The following CUX1 variants were observed in gnomAD, a reference collection of about 807,000 sequenced individuals.
CUX1 encodes protein CASP.
Under a neutral mutation model 158.8 loss-of-function variants are expected in CUX1, and 31 were observed. That is an observed-to-expected ratio of 0.20 (90% confidence interval 0.15 to 0.26). The LOEUF (loss-of-function observed/expected upper bound fraction) is 0.26. Ranked by LOEUF, CUX1 falls within the 10% of genes least tolerant of loss-of-function variation. The probability of loss-of-function intolerance (pLI) is 1.00; values close to 1 mark genes in which losing one functional copy is unlikely to be tolerated. For synonymous variants in CUX1, 879 were observed against 862.1 expected (o/e 1.02, Z -0.34); for missense variants, 1,589 against 2,014.6 (o/e 0.79, Z 4.04).
In CUX1 at chr7:102,093,867, CAG is replaced by C. The variant is rs145901618; in HGVS notation, c.269-3496_269-3495del. On this transcript the variant is annotated intron_variant, in intron 4 of 23. Coordinates refer to ENST00000292535, the MANE Select transcript of CUX1 (RefSeq NM_181552.4). ...TCGGAGGAGGAGGAGGCTGGGAAGA[CAG>C]GGGTTACCGGATTTTGTGTGTTCCT... 4.3e-3 allele frequency among the ~76,000 whole-genome samples: 655 copies of C among 152,238 alleles called. 4 individuals carry two copies. Among genetic ancestry groups the C allele is most frequent in the African/African-American group, 0.015 (635 of 41,546 alleles).
Position 101,839,086 on chromosome 7 carries a change from A to G in CUX1, c.30+21417A>G, listed in dbSNP as rs542639526. 4.6e-5 allele frequency among the ~76,000 whole-genome samples: 7 copies of G among 152,294 alleles called. No individual in the cohort carries two copies. In the South Asian group the frequency reaches 1.5e-3, roughly 32 times the overall value. On this transcript the variant is annotated intron_variant, in intron 1 of 23. Coordinates refer to ENST00000292535, the MANE Select transcript of CUX1 (RefSeq NM_181552.4). ...CTCTGGTATCTCTTGTTTTAAGTAC[A>G]CTAATCCCATCATGAGGGCTTTACC...
At chr7:102,002,318 T>C (rs1355452709) in intron 2 of CUX1, among the ~76,000 whole-genome samples, 2 of 151,996 alleles carry the variant, frequency 1.3e-5, no homozygotes, top group African/African-American at 4.8e-5. Context: ...AAAATAAATA[T>C]ATATAGTGTG....
At chr7:102,283,038 A>G in exon 23 of CUX1, 2 of 1,610,638 alleles carry the variant, frequency 1.2e-6, no homozygotes, top group Non-Finnish European at 8.5e-7. Flanking sequence ...GACCACCTGC[A>G]CAAGTTCCAC....
intron 20 of CUX1, among the ~76,000 whole-genome samples, chr7:102,209,001 G>A (rs1796240416): frequency 6.6e-6 from 1 of 152,208 alleles, no homozygotes; most frequent in Non-Finnish European, 1.5e-5. Flanking sequence ...TGCAGTAAGG[G>A]AATCGGGCTT....
chr7:101,963,826 AT>A (rs1810808089), intron 2 of CUX1, among the ~76,000 whole-genome samples: 1 of 151,484 alleles, frequency 6.6e-6, no homozygotes, highest in African/African-American at 2.4e-5. Context: ...TAACTTTTTA[AT>A]TTTTTATAGA....
chr7:102,210,501 A>G (rs1796406395), intron 20 of CUX1, among the ~76,000 whole-genome samples: 1 of 152,204 alleles, frequency 6.6e-6, no homozygotes, highest in East Asian at 1.9e-4. Flanking sequence ...GATGTGAGCC[A>G]CCATACCCGG....
At chr7:101,903,681 G>A (rs1182229034) in intron 1 of CUX1, among the ~76,000 whole-genome samples, 1 of 152,098 alleles carries the variant, frequency 6.6e-6, no homozygotes, top group Non-Finnish European at 1.5e-5. Context: ...CACCTGCTCC[G>A]CCTTACATGT....
At position 101,880,095 on chromosome 7, in the gene CUX1, G is replaced by GT. The variant is rs534908244; in HGVS notation, c.31-36013dup. Among the ~76,000 whole-genome samples the GT allele has an allele frequency of 3.2e-4, 49 of 151,728 alleles. No individual in the cohort carries two copies. The Middle Eastern group carries it at 0.01, about 32-fold the overall frequency. ...AGGCTGATTTTTTTTTAAAAAGGCT[G>GT]TTTTTTTAAAAACAACTAAAGGCAC... On this transcript the variant is annotated intron_variant, in intron 1 of 23. Coordinates refer to ENST00000292535, the MANE Select transcript of CUX1 (RefSeq NM_181552.4).
At chr7:101,909,618 T>C (rs1803189743) in intron 1 of CUX1, among the ~76,000 whole-genome samples, 1 of 152,274 alleles carries the variant, frequency 6.6e-6, no homozygotes, top group African/African-American at 2.4e-5. Flanking sequence ...GATTTCTATA[T>C]AGGATGTGCT....
chr7:102,256,039 G>A lies in CUX1; in HGVS notation c.*6997G>A, dbSNP rs923812009. 2.5e-5 allele frequency: 25 copies of A among 985,344 alleles called. No homozygotes were observed. Among genetic ancestry groups the A allele is most frequent in the South Asian group, 9.4e-5 (2 of 21,292 alleles). 61.0% of individuals were successfully genotyped at this position (985,344 alleles called of 1,614,324 possible). Reference sequence around the variant, plus strand: ...CTGTAGTTCCGTTTGTTCATGAACCGAAGGGAAAACAGGCCTCCCCGACTC... The same window carrying A: ...CTGTAGTTCCGTTTGTTCATGAACCAAAGGGAAAACAGGCCTCCCCGACTC... On this transcript the variant is annotated 3_prime_UTR_variant, in exon 24 of 24. Coordinates refer to ENST00000292535, the MANE Select transcript of CUX1 (RefSeq NM_181552.4).
chr7:102,044,141 A>G (rs575314852), intron 3 of CUX1, among the ~76,000 whole-genome samples: 1 of 149,750 alleles, frequency 6.7e-6, no homozygotes, highest in East Asian at 2.0e-4. Context: ...CCACTGCGCC[A>G]GGCCTTATGT....
intron 3 of CUX1, among the ~76,000 whole-genome samples, chr7:102,036,877 T>C (rs1412804002): frequency 6.6e-6 from 1 of 151,986 alleles, no homozygotes. Flanking sequence ...CCTCTGACGA[T>C]TGGCAAATCC....
chr7:102,086,557 T>A (rs559080130), intron 4 of CUX1, among the ~76,000 whole-genome samples: 2 of 152,166 alleles, frequency 1.3e-5, no homozygotes, highest in East Asian at 3.9e-4. Context: ...AAGTCTCTTA[T>A]ATCCATATTG....
chr7:102,195,437 CAGG>C, intron 13 of CUX1, 67 bp from the exon 14 acceptor site: 1 of 1,308,138 alleles, frequency 7.6e-7, no homozygotes, highest in African/African-American at 1.4e-5. Context: ...GGCAGGGCTC[CAGG>C]CCTGGTGGCC....
chr7:101,960,229 CT>C (rs1810307296), intron 2 of CUX1: 1 of 152,170 alleles, frequency 6.6e-6, no homozygotes, highest in South Asian at 2.1e-4. Context: ...CTTCAGGTTT[CT>C]CTAATGAGAT....
At chr7:102,012,249 G>A (rs1818119862) in intron 2 of CUX1, among the ~76,000 whole-genome samples, 1 of 152,098 alleles carries the variant, frequency 6.6e-6, no homozygotes, top group African/African-American at 2.4e-5. Context: ...GTACAGTGGT[G>A]CGATCTCGGC....
At chr7:102,265,266 G>C (rs1258947206) in intron 14 of CUX1, among the ~76,000 whole-genome samples, 8 of 151,052 alleles carry the variant, frequency 5.3e-5, no homozygotes, top group African/African-American at 1.9e-4. Context: ...TGAGGCAGGA[G>C]AATTGCTTGA....
chr7:102,010,766 C>G (rs1271141028), intron 2 of CUX1, among the ~76,000 whole-genome samples: 3 of 152,186 alleles, frequency 2.0e-5, no homozygotes, highest in Non-Finnish European at 4.4e-5. Flanking sequence ...CTAAAAGATG[C>G]CGGTTGTGCT....
At chr7:101,972,067 C>T (rs1210400887) in intron 2 of CUX1, among the ~76,000 whole-genome samples, 2 of 152,180 alleles carry the variant, frequency 1.3e-5, no homozygotes, top group East Asian at 1.9e-4. Context: ...CCCGGGTTCA[C>T]GCCATTCTCC....
Sources: gnomAD v4.1 joint callset for allele counts (sites outside exome capture counted in the v4.1 genomes callset) on GRCh38, gnomAD v4.1.1 for gene constraint, MANE v1.5 for transcripts, NCBI Gene and HGNC (gene_info 2026-07-23, HGNC 2026-07-21) for gene names.